Variants in XYLB observed in about 807,000 individuals in gnomAD.
XYLB encodes xylulose kinase.
In XYLB, 62 loss-of-function variants were observed where a neutral mutation model predicts 78.7. The ratio of observed to expected loss-of-function variants is 0.79; its 90% confidence interval spans 0.64 to 0.97. The LOEUF (loss-of-function observed/expected upper bound fraction) is 0.97. XYLB is among the 50% of genes least tolerant of loss of function. The pLI, the probability that XYLB is intolerant of heterozygous loss-of-function variation, is 0.00. For synonymous variants in XYLB, 245 were observed against 247.4 expected, an observed-to-expected ratio of 0.99 and a Z score of 0.09; for missense variants, 687 against 676.8, an observed-to-expected ratio of 1.02 and a Z score of -0.17.
At chr3:38,365,846 A>G in intron 6 of XYLB, 110 bp downstream of exon 6, 1 of 1,421,984 alleles carries the variant, frequency 7.0e-7, no homozygotes, top group Non-Finnish European at 9.3e-7. Flanking sequence ...GGTGTTGTGG[A>G]GCCAGCAACA....
At position 38,370,263 on chromosome 3, in the gene XYLB, C is replaced by CAT. The variant is rs1348486830; in HGVS notation, c.765+90_765+91insTA. The CAT allele has an allele frequency of 8.0e-6, 7 of 878,248 alleles. No individual in the cohort carries two copies. In the African/African-American group the frequency reaches 1.1e-4, roughly 14 times the overall value. 54.4% of individuals were successfully genotyped at this position (878,248 alleles called of 1,614,324 possible). On this transcript the variant is annotated intron_variant, in intron 9 of 18. Coordinates refer to ENST00000207870, the MANE Select transcript of XYLB (RefSeq NM_005108.4). The stretch of plus-strand genomic sequence containing the variant: ...GCGCACACACACACACACACACACA[C>CAT]ACACTCTGCACACACCCTTATTTGT...
chr3:38,367,514 A>T (rs559047742), intron 7 of XYLB, among the ~76,000 whole-genome samples: 2 of 152,386 alleles, frequency 1.3e-5, no homozygotes, highest in East Asian at 1.9e-4. Flanking sequence ...TTGAGGTTCC[A>T]GATTATTCTG....
At chr3:38,377,316 T>A (rs1706912338) in intron 14 of XYLB, among the ~76,000 whole-genome samples, 1 of 152,148 alleles carries the variant, frequency 6.6e-6, no homozygotes, top group South Asian at 2.1e-4. Context: ...AACCCATGGA[T>A]CTTGAGATCA....
intron 18 of XYLB, among the ~76,000 whole-genome samples, chr3:38,410,435 A>G (rs1708526601): frequency 2.0e-5 from 3 of 152,264 alleles, no homozygotes; most frequent in South Asian, 4.1e-4. Context: ...AAAACCCTAG[A>G]GGAAAACCTA....
chr3:38,378,846 C>T (rs181331220), intron 14 of XYLB, among the ~76,000 whole-genome samples: 169 of 148,888 alleles, frequency 1.1e-3, no homozygotes, highest in African/African-American at 3.6e-3. Flanking sequence ...ATTTTCCAGG[C>T]TCTGTTGTCT....
chr3:38,417,652 C>T (rs570492121), downstream of XYLB, among the ~76,000 whole-genome samples: 3 of 152,030 alleles, frequency 2.0e-5, no homozygotes, highest in Admixed American at 6.6e-5. Flanking sequence ...GAGGCCAAGG[C>T]GGGCGGATCA....
chr3:38,426,953 GGAAAGGCC>G, the XYLB span, among the ~76,000 whole-genome samples: 2 of 152,214 alleles, frequency 1.3e-5, no homozygotes, highest in Non-Finnish European at 2.9e-5. Flanking sequence ...AACGATAGCA[GGAAAGGCC>G]TGTGGCTTGA....
chr3:38,396,589 C>A (rs1204439111), intron 16 of XYLB, among the ~76,000 whole-genome samples: 1 of 152,166 alleles, frequency 6.6e-6, no homozygotes, highest in Non-Finnish European at 1.5e-5. Flanking sequence ...TCAACTAAGA[C>A]CTCCCCCAAG....
intron 18 of XYLB, among the ~76,000 whole-genome samples, chr3:38,411,971 G>T (rs1317200012): frequency 6.7e-6 from 1 of 149,676 alleles, no homozygotes; most frequent in Non-Finnish European, 1.5e-5. Context: ...TCTGTATGAT[G>T]TGGATCTCAA....
intron 15 of XYLB, among the ~76,000 whole-genome samples, chr3:38,388,260 T>C (rs952085792): frequency 2.0e-5 from 3 of 151,246 alleles, no homozygotes; most frequent in African/African-American, 7.3e-5. Context: ...GAGATGTCGG[T>C]CAGTGGATTA....
At chr3:38,377,789 G>A (rs1368995304) in intron 14 of XYLB, among the ~76,000 whole-genome samples, 2 of 152,144 alleles carry the variant, frequency 1.3e-5, no homozygotes, top group Admixed American at 1.3e-4. Context: ...TTTCTAGATG[G>A]AGAGGTTGAG....
intron 12 of XYLB, among the ~76,000 whole-genome samples, chr3:38,375,704 C>T (rs1706818348): frequency 6.6e-6 from 1 of 152,146 alleles, no homozygotes; most frequent in Non-Finnish European, 1.5e-5. Flanking sequence ...GTGCTCTGAC[C>T]ACAGGCCTTT....
chr3:38,347,587 G>C (rs1705137570), intron 1 of XYLB, among the ~76,000 whole-genome samples: 1 of 152,118 alleles, frequency 6.6e-6, no homozygotes, highest in Non-Finnish European at 1.5e-5. Flanking sequence ...GGCTGAAGCG[G>C]ATCGCTTGAG....
intron 7 of XYLB, 80 bp from the exon 8 acceptor site, chr3:38,368,105 T>A (rs1182551445): frequency 2.9e-6 from 4 of 1,397,122 alleles, no homozygotes; most frequent in Non-Finnish European, 3.0e-6. Context: ...TTTTTTTTCA[T>A]GCTTTGTGTG....
chr3:38,402,541 A>G lies in XYLB; in HGVS notation c.1533+1556A>G, dbSNP rs1708161509. On this transcript the variant is annotated intron_variant, in intron 18 of 18. Transcript: ENST00000207870. ...TCATGTTCGAGAGGCCACTCGATAC[A>G]CTGGAAAGATTCAATGTCGAGATAA... Among the ~76,000 whole-genome samples, 3 of 152,328 alleles carry G rather than the reference A, an allele frequency of 2.0e-5. No individual in the cohort carries two copies. In the South Asian group the frequency reaches 6.2e-4, roughly 32 times the overall value.
At chr3:38,356,016 C>T (rs993749991) in intron 2 of XYLB, 3 of 488,568 alleles carry the variant, frequency 6.1e-6, no homozygotes, top group Middle Eastern at 4.1e-4. Flanking sequence ...TTTGGGATTA[C>T]AGAGGCGGGC....
chr3:38,439,761 C>A, the XYLB span, among the ~76,000 whole-genome samples: 174 of 136,204 alleles, frequency 1.3e-3, no homozygotes, highest in East Asian at 1.3e-3. Context: ...GACTCCGTCT[C>A]AAAAAAAAAA....
At chr3:38,445,387 AT>A in the XYLB span, among the ~76,000 whole-genome samples, 1 of 152,180 alleles carries the variant, frequency 6.6e-6, no homozygotes, top group Admixed American at 6.5e-5. Flanking sequence ...GAGTCATGAA[AT>A]TTATACTAGA....
intron 17 of XYLB, among the ~76,000 whole-genome samples, chr3:38,399,286 A>G (rs1575527385): frequency 6.6e-6 from 1 of 151,618 alleles, no homozygotes; most frequent in East Asian, 2.0e-4. Context: ...TTGTAGATAT[A>G]GGGTTTCGCC....
Sources: gnomAD v4.1 joint callset for allele counts (sites outside exome capture counted in the v4.1 genomes callset) on GRCh38, gnomAD v4.1.1 for gene constraint, MANE v1.5 for transcripts, NCBI Gene and HGNC (gene_info 2026-07-23, HGNC 2026-07-21) for gene names.